The following SNTG1 variants were observed in gnomAD, a reference collection of about 807,000 sequenced individuals.
SNTG1 encodes gamma-1-syntrophin.
In SNTG1, 39 loss-of-function variants were observed where a neutral mutation model predicts 74.7. The ratio of observed to expected loss-of-function variants is 0.52; its 90% CI spans 0.40 to 0.68. SNTG1 has a LOEUF of 0.68. Ranked by LOEUF, SNTG1 falls within the 30% of genes least tolerant of loss-of-function variation. The probability of loss-of-function intolerance (pLI) is 0.00; values close to 1 mark genes in which losing one functional copy is unlikely to be tolerated. For synonymous variants in SNTG1, 254 were observed against 217.1 expected (o/e 1.17, Z -1.49); for missense variants, 685 against 609.5 (o/e 1.12, Z -1.30).
At chr8:50,139,649 C>G (rs912035973) in intron 1 of SNTG1, among the ~76,000 whole-genome samples, 2 of 152,190 alleles carry the variant, frequency 1.3e-5, no homozygotes, top group African/African-American at 4.8e-5. Flanking sequence ...ATGCCCTACT[C>G]TGGGAGATTG....
At chr8:50,364,871 T>C (rs1463389589) in intron 2 of SNTG1, among the ~76,000 whole-genome samples, 1 of 152,112 alleles carries the variant, frequency 6.6e-6, no homozygotes, top group South Asian at 2.1e-4. Context: ...AGTAATTATG[T>C]GTTTTGGAAA....
At chr8:50,681,207 A>T (rs1029509018) in intron 15 of SNTG1, among the ~76,000 whole-genome samples, 1 of 152,156 alleles carries the variant, frequency 6.6e-6, no homozygotes, top group Non-Finnish European at 1.5e-5. Flanking sequence ...TTTACATAAG[A>T]TTGGAATTAT....
chr8:50,112,096 T>A (rs2080615909), intron 1 of SNTG1, among the ~76,000 whole-genome samples: 1 of 152,140 alleles, frequency 6.6e-6, no homozygotes, highest in African/African-American at 2.4e-5. Context: ...AGAAAACACA[T>A]GATTTTTTTC....
intron 2 of SNTG1, among the ~76,000 whole-genome samples, chr8:50,218,911 C>T (rs890860702): frequency 2.0e-5 from 3 of 152,214 alleles, no homozygotes; most frequent in Non-Finnish European, 2.9e-5. Context: ...GGCTCACAGC[C>T]TCCTTGATCC....
At chr8:50,213,562 C>T (rs201725079) in intron 2 of SNTG1, among the ~76,000 whole-genome samples, 2 of 152,038 alleles carry the variant, frequency 1.3e-5, no homozygotes, top group Admixed American at 1.3e-4. Flanking sequence ...TTTTCTGTTC[C>T]TATTTCTCCA....
chr8:50,650,866 A>G (rs973699739), intron 13 of SNTG1, among the ~76,000 whole-genome samples: 1 of 151,850 alleles, frequency 6.6e-6, no homozygotes, highest in African/African-American at 2.4e-5. Context: ...ATGCCTGGTT[A>G]ATTTTTGTAT....
At chr8:50,091,978 C>A (rs2079755883) in intron 1 of SNTG1, among the ~76,000 whole-genome samples, 1 of 151,970 alleles carries the variant, frequency 6.6e-6, no homozygotes, top group African/African-American at 2.4e-5. Flanking sequence ...AACGCCCAGT[C>A]TAAAAAAAAC....
chr8:50,423,936 A>G (rs1373003455), intron 4 of SNTG1, among the ~76,000 whole-genome samples: 2 of 152,172 alleles, frequency 1.3e-5, no homozygotes, highest in Non-Finnish European at 2.9e-5. Flanking sequence ...CAAGTATTGG[A>G]GACCCAAAGT....
At chr8:50,628,805 G>C (rs2094975454) in intron 13 of SNTG1, among the ~76,000 whole-genome samples, 2 of 152,074 alleles carry the variant, frequency 1.3e-5, no homozygotes, top group Admixed American at 6.6e-5. Flanking sequence ...AGAATGACAT[G>C]AACAAATATT....
intron 2 of SNTG1, among the ~76,000 whole-genome samples, chr8:50,321,549 G>A (rs2090529684): frequency 6.7e-6 from 1 of 150,342 alleles, no homozygotes; most frequent in Non-Finnish European, 1.5e-5. Flanking sequence ...TTATTGATAA[G>A]TAAGGACTTA....
chr8:50,341,239 T>G (rs989175451), intron 2 of SNTG1, among the ~76,000 whole-genome samples: 1 of 151,934 alleles, frequency 6.6e-6, no homozygotes, highest in Non-Finnish European at 1.5e-5. Context: ...TTTTGGAACA[T>G]TGATACATAG....
At chr8:50,659,477 GA>G (rs1169847162) in intron 15 of SNTG1, among the ~76,000 whole-genome samples, 1 of 152,122 alleles carries the variant, frequency 6.6e-6, no homozygotes, top group East Asian at 1.9e-4. Flanking sequence ...TAGCAGAGTA[GA>G]AAAATGCTGA....
At chr8:49,916,256 T>G (rs1806023257) in intron 1 of SNTG1, among the ~76,000 whole-genome samples, 1 of 151,470 alleles carries the variant, frequency 6.6e-6, no homozygotes, top group Admixed American at 6.6e-5. Context: ...GAACTGAGAG[T>G]AAGAGGTCAT....
At chr8:50,168,386 GT>G (rs1051691854) in intron 1 of SNTG1, among the ~76,000 whole-genome samples, 1 of 151,930 alleles carries the variant, frequency 6.6e-6, no homozygotes, top group Admixed American at 6.6e-5. Flanking sequence ...GTAACAATTT[GT>G]TTTTTTCTCT....
At chr8:50,075,306 C>T (rs1821755782) in intron 1 of SNTG1, among the ~76,000 whole-genome samples, 1 of 152,308 alleles carries the variant, frequency 6.6e-6, no homozygotes, top group African/African-American at 2.4e-5. Context: ...CTAGGCAAAG[C>T]CAGCAAGGCT....
Position 50,119,603 on chromosome 8 carries a change from A to T in SNTG1, c.-102-52958A>T, listed in dbSNP as rs1481986613. 3.5e-5 allele frequency among the ~76,000 whole-genome samples: 5 copies of T among 142,142 alleles called. No homozygotes were observed. The Admixed American group carries it at 3.6e-4, about 10-fold the overall frequency. 93.3% of individuals were successfully genotyped at this position (142,142 alleles called of 152,430 possible). On this transcript the variant is annotated intron_variant, in intron 1 of 18. Coordinates refer to ENST00000642720, the MANE Select transcript of SNTG1 (RefSeq NM_018967.5). ...TAATTAATTTATATAAATTGTGATA[A>T]TTTTTACATTATTATGAAAATTAGA... is the stretch of plus-strand genomic sequence containing the variant.
chr8:50,663,733 T>A lies in SNTG1; in HGVS notation c.1038+5070T>A, dbSNP rs377660112. ...TTTCTTAGCCTATTCTCTTGTCTAA[T>A]CTACTGGAACTTATATTAAACCTTT... On this transcript the variant is annotated intron_variant, in intron 15 of 18. Coordinates refer to ENST00000642720, the MANE Select transcript of SNTG1 (RefSeq NM_018967.5). Among the ~76,000 whole-genome samples the A allele has an allele frequency of 2.0e-5, 3 of 152,220 alleles. No homozygotes were observed. The South Asian group carries it at 6.2e-4, about 31-fold the overall frequency.
chr8:50,499,930 T>C (rs2093936668), intron 8 of SNTG1, among the ~76,000 whole-genome samples: 1 of 152,106 alleles, frequency 6.6e-6, no homozygotes, highest in South Asian at 2.1e-4. Flanking sequence ...AAATATTTAA[T>C]AATGTTTACA....
intron 13 of SNTG1, among the ~76,000 whole-genome samples, chr8:50,605,976 C>G (rs1344808244): frequency 6.6e-6 from 1 of 152,198 alleles, no homozygotes; most frequent in African/African-American, 2.4e-5. Flanking sequence ...GTGAATCCCA[C>G]TTGATCATGG....
Sources: allele counts gnomAD v4.1 joint callset (sites outside exome capture counted in the v4.1 genomes callset), GRCh38; gene constraint gnomAD v4.1.1; transcripts MANE v1.5; gene names NCBI Gene and HGNC (gene_info 2026-07-23, HGNC 2026-07-21).